Variants in LRRTM4 observed in about 807,000 individuals in gnomAD.
LRRTM4 encodes leucine-rich repeat transmembrane neuronal protein 4.
Under a neutral mutation model 47.6 loss-of-function variants are expected in LRRTM4, and 25 were observed. That is an observed-to-expected ratio of 0.53 (90% CI 0.38 to 0.73). The LOEUF (loss-of-function observed/expected upper bound fraction) is 0.73, where lower values mean the gene tolerates loss of function less well. LRRTM4 is among the 30% of genes least tolerant of loss of function. The pLI is 0.00. For synonymous variants in LRRTM4, 311 were observed against 269.5 expected, an observed-to-expected ratio of 1.15 and a Z score of -1.51; for missense variants, 638 against 713.4, an observed-to-expected ratio of 0.89 and a Z score of 1.20.
Position 77,111,289 on chromosome 2 carries a change from T to TA in LRRTM4, c.1552-362374_1552-362373insT, listed in dbSNP as rs112093231. Among the ~76,000 whole-genome samples, 20 of 149,228 alleles carry TA rather than the reference T, an allele frequency of 1.3e-4. No homozygotes were observed. The East Asian group carries it at 2.6e-3, about 19-fold the overall frequency. ...TGTGTCACCACACCTGGCTATTTTTTTTTTTTTTTTTTTGTATTTTATTAG... is the reference window on the plus strand; with the variant it reads ...TGTGTCACCACACCTGGCTATTTTTTATTTTTTTTTTTTTGTATTTTATTAG... On this transcript the variant is annotated intron_variant, in intron 3 of 3. Transcript: ENST00000409884.
intron 3 of LRRTM4, among the ~76,000 whole-genome samples, chr2:77,179,674 C>T (rs1385508601): frequency 6.6e-6 from 1 of 151,974 alleles, no homozygotes; most frequent in African/African-American, 2.4e-5. Flanking sequence ...AAGGTTGATT[C>T]GGGCTTCAGC....
intron 3 of LRRTM4, among the ~76,000 whole-genome samples, chr2:77,174,253 C>G (rs989120418): frequency 6.6e-6 from 1 of 152,164 alleles, no homozygotes; most frequent in East Asian, 1.9e-4. Context: ...CTAGGCCTGT[C>G]TGGTAGCCCC....
At chr2:76,930,822 A>G (rs1187490932) in intron 3 of LRRTM4, among the ~76,000 whole-genome samples, 1 of 152,204 alleles carries the variant, frequency 6.6e-6, no homozygotes, top group Non-Finnish European at 1.5e-5. Context: ...TACAATGATG[A>G]ATAAATTAGA....
chr2:76,820,697 A>G (rs1395310613), intron 3 of LRRTM4, among the ~76,000 whole-genome samples: 1 of 151,732 alleles, frequency 6.6e-6, no homozygotes, highest in Non-Finnish European at 1.5e-5. Flanking sequence ...ATTAATTAAG[A>G]GGCTGAAACT....
chr2:76,865,465 A>G (rs1184039522), intron 3 of LRRTM4, among the ~76,000 whole-genome samples: 1 of 152,166 alleles, frequency 6.6e-6, no homozygotes, highest in Admixed American at 6.5e-5. Context: ...CAAAGAAACA[A>G]TTTACATTTC....
intron 3 of LRRTM4, among the ~76,000 whole-genome samples, chr2:77,385,819 C>A (rs929030874): frequency 6.9e-6 from 1 of 145,496 alleles, no homozygotes; most frequent in Non-Finnish European, 1.5e-5. Flanking sequence ...ACGATCTCAG[C>A]TCGGTGTAAC....
At chr2:77,048,959 A>ACT in intron 3 of LRRTM4, among the ~76,000 whole-genome samples, 1 of 150,282 alleles carries the variant, frequency 6.7e-6, no homozygotes, top group South Asian at 2.1e-4. Context: ...CCACCACTCT[A>ACT]CTCTCTATTA....
intron 3 of LRRTM4, among the ~76,000 whole-genome samples, chr2:77,251,889 G>T (rs1486390147): frequency 6.6e-6 from 1 of 152,088 alleles, no homozygotes; most frequent in Non-Finnish European, 1.5e-5. Context: ...TATTTGGGTG[G>T]GTGGTGGTGA....
chr2:77,103,667 A>ATATATATATATCTATC (rs145819033), intron 3 of LRRTM4, among the ~76,000 whole-genome samples: 11 of 146,284 alleles, frequency 7.5e-5, no homozygotes, highest in Admixed American at 6.2e-4. Flanking sequence ...ATATATAGAT[A>ATATATATATATCTATC]TATATATCAC....
chr2:77,083,803 T>G (rs866777745), intron 3 of LRRTM4, among the ~76,000 whole-genome samples: 2,860 of 105,136 alleles, frequency 0.027, 256 homozygotes, highest in East Asian at 0.081. Flanking sequence ...TTTTTTTTTT[T>G]TTTTTTTTTT....
intron 3 of LRRTM4, among the ~76,000 whole-genome samples, chr2:76,811,601 A>G (rs980497116): frequency 1.1e-4 from 16 of 152,182 alleles, no homozygotes; most frequent in South Asian, 6.2e-4. Flanking sequence ...TGCCATGTAC[A>G]TGTCAGCAGG....
At chr2:77,345,199 C>T (rs764881450) in intron 3 of LRRTM4, among the ~76,000 whole-genome samples, 3 of 150,700 alleles carry the variant, frequency 2.0e-5, no homozygotes, top group South Asian at 2.1e-4. Flanking sequence ...AATGGCAGAC[C>T]TAACAAACAC....
intron 3 of LRRTM4, among the ~76,000 whole-genome samples, chr2:76,930,329 C>A (rs1034153259): frequency 6.6e-6 from 1 of 152,070 alleles, no homozygotes; most frequent in Non-Finnish European, 1.5e-5. Flanking sequence ...TGCGTGTGCA[C>A]GCATGCGTGC....
chr2:76,754,244 A>C (rs563049034), intron 3 of LRRTM4, among the ~76,000 whole-genome samples: 1 of 152,328 alleles, frequency 6.6e-6, no homozygotes, highest in South Asian at 2.1e-4. Context: ...TATATAACTT[A>C]GCTGTTATTC....
chr2:77,004,155 G>A (rs1232378728), intron 3 of LRRTM4, among the ~76,000 whole-genome samples: 6 of 152,164 alleles, frequency 3.9e-5, no homozygotes, highest in South Asian at 4.1e-4. Flanking sequence ...CCCATTTTCT[G>A]GGGAGAAATT....
intron 3 of LRRTM4, among the ~76,000 whole-genome samples, chr2:76,801,081 C>A (rs1041578637): frequency 6.6e-6 from 1 of 150,800 alleles, no homozygotes. Context: ...TAAACTAGTT[C>A]GACCATTGTG....
intron 3 of LRRTM4, among the ~76,000 whole-genome samples, chr2:76,975,695 A>G (rs979245336): frequency 6.6e-6 from 1 of 151,770 alleles, no homozygotes; most frequent in African/African-American, 2.4e-5. Flanking sequence ...TGAGGAGACA[A>G]AAAATATTTA....
At chr2:77,368,167 C>T (rs1479210493) in intron 3 of LRRTM4, among the ~76,000 whole-genome samples, 5 of 151,698 alleles carry the variant, frequency 3.3e-5, no homozygotes, top group Admixed American at 2.0e-4. Flanking sequence ...TTTCCTCTCT[C>T]ATCCAGGAAC....
chr2:77,111,662 C>G (rs917982688), intron 3 of LRRTM4, among the ~76,000 whole-genome samples: 6 of 151,994 alleles, frequency 3.9e-5, no homozygotes, highest in Non-Finnish European at 7.4e-5. Context: ...GCTACCTGCC[C>G]TTAGTTGCTT....
Sources: gnomAD v4.1 joint callset for allele counts (sites outside exome capture counted in the v4.1 genomes callset) on GRCh38, gnomAD v4.1.1 for gene constraint, MANE v1.5 for transcripts, NCBI Gene and HGNC (gene_info 2026-07-23, HGNC 2026-07-21) for gene names.